Variants in GALNT17 observed in about 807,000 individuals in gnomAD.
GALNT17 encodes the protein UDP-GalNAc:polypeptide N-acetylgalactosaminyltransferase-like 3.
A neutral mutation model predicts 63.7 loss-of-function variants in GALNT17; 29 were observed. The ratio of observed to expected loss-of-function variants is 0.46; its 90% confidence interval spans 0.34 to 0.62. The LOEUF (loss-of-function observed/expected upper bound fraction) is 0.62. Among genes scored for constraint, GALNT17 ranks in the 20% least tolerant of loss-of-function variants. The probability of loss-of-function intolerance (pLI) is 0.01; values close to 1 mark genes in which losing one functional copy is unlikely to be tolerated. For missense variants in GALNT17, 603 were observed against 799.6 expected (o/e 0.75, Z 2.97); for synonymous variants, 305 against 318.3 (o/e 0.96, Z 0.45).
intron 3 of GALNT17, among the ~76,000 whole-genome samples, chr7:71,400,183 A>T (rs1023379396): frequency 1.3e-5 from 2 of 151,240 alleles, no homozygotes; most frequent in Admixed American, 1.3e-4. Flanking sequence ...CCAGTGTGTG[A>T]TGCTCCCCTC....
chr7:71,571,113 AACCC>A (rs1385909378), intron 5 of GALNT17, among the ~76,000 whole-genome samples, 168 bp from the exon 6 acceptor site: 31 of 124,268 alleles, frequency 2.5e-4, no homozygotes, highest in Non-Finnish European at 9.9e-5. Context: ...GCTAGGCTGG[AACCC>A]AGTACATGCT....
intron 1 of GALNT17, among the ~76,000 whole-genome samples, chr7:71,175,189 CGTCT>C (rs1323659425): frequency 4.6e-5 from 7 of 151,538 alleles, no homozygotes; most frequent in South Asian, 4.2e-4. Flanking sequence ...TCTATCCATC[CGTCT>C]ATCTATCCCT....
At chr7:71,580,354 A>T (rs1789614495) in intron 6 of GALNT17, among the ~76,000 whole-genome samples, 1 of 151,952 alleles carries the variant, frequency 6.6e-6, no homozygotes, top group East Asian at 1.9e-4. Context: ...ATGATAGATT[A>T]GACAGATGAT....
intron 2 of GALNT17, among the ~76,000 whole-genome samples, chr7:71,354,707 T>G (rs1792251250): frequency 6.6e-6 from 1 of 152,194 alleles, no homozygotes; most frequent in Non-Finnish European, 1.5e-5. Flanking sequence ...GAAGTTTAAT[T>G]ATTAATACAT....
At chr7:71,358,875 G>T (rs1328118949) in intron 2 of GALNT17, among the ~76,000 whole-genome samples, 1 of 152,036 alleles carries the variant, frequency 6.6e-6, no homozygotes, top group African/African-American at 2.4e-5. Flanking sequence ...CTGGGTTCAA[G>T]TGATTCTCCT....
At chr7:71,655,608 G>A (rs1250954020) in intron 6 of GALNT17, among the ~76,000 whole-genome samples, 4 of 152,198 alleles carry the variant, frequency 2.6e-5, no homozygotes, top group African/African-American at 9.6e-5. Flanking sequence ...ATAGTTTCCG[G>A]GGGAAGAATG....
intron 5 of GALNT17, among the ~76,000 whole-genome samples, chr7:71,513,511 G>A (rs1383982218): frequency 6.6e-6 from 1 of 151,818 alleles, no homozygotes; most frequent in Non-Finnish European, 1.5e-5. Context: ...TCAGCCTCCC[G>A]AGTAGCTGTG....
At chr7:71,684,433 C>A (rs925061223) in intron 9 of GALNT17, among the ~76,000 whole-genome samples, 1 of 152,196 alleles carries the variant, frequency 6.6e-6, no homozygotes, top group African/African-American at 2.4e-5. Context: ...TCTCAGGTCC[C>A]TACAGCTGAC....
rs140074408 is a variant in GALNT17, at chr7:71,565,111, A to G, written c.963-6174A>G. On this transcript the variant is annotated intron_variant, in intron 5 of 10. Coordinates refer to ENST00000333538, the MANE Select transcript of GALNT17 (RefSeq NM_022479.3). ...GTGCAACCCTGTCTCTACTAAACAT[A>G]CAAAAATTAGCCGGGCATGGTGCTG... 8.7e-3 allele frequency among the ~76,000 whole-genome samples: 1,328 copies of G among 152,180 alleles called. 24 individuals are homozygous for G. Among genetic ancestry groups the G allele is most frequent in the African/African-American group, 0.03 (1,259 of 41,540 alleles).
chr7:71,205,888 A>G (rs1789262517), intron 1 of GALNT17, among the ~76,000 whole-genome samples: 1 of 152,080 alleles, frequency 6.6e-6, no homozygotes, highest in African/African-American at 2.4e-5. Context: ...TATTTCTAAC[A>G]ATTTGCTATG....
intron 5 of GALNT17, among the ~76,000 whole-genome samples, chr7:71,421,853 G>A (rs1353274995): frequency 2.0e-5 from 3 of 151,518 alleles, no homozygotes; most frequent in Non-Finnish European, 2.9e-5. Flanking sequence ...GGGAGGCTGA[G>A]ACAGGAGAAT....
chr7:71,682,274 G>T (rs1791278803), intron 9 of GALNT17, among the ~76,000 whole-genome samples: 1 of 152,072 alleles, frequency 6.6e-6, no homozygotes, highest in Non-Finnish European at 1.5e-5. Flanking sequence ...GGGTGAACCT[G>T]AGGGCTGGGA....
chr7:71,596,884 G>A (rs1789894418), intron 6 of GALNT17, among the ~76,000 whole-genome samples: 1 of 151,968 alleles, frequency 6.6e-6, no homozygotes, highest in Non-Finnish European at 1.5e-5. Flanking sequence ...TTTGCCATCT[G>A]TGTACAACAA....
intron 1 of GALNT17, among the ~76,000 whole-genome samples, chr7:71,334,407 A>G (rs1327828761): frequency 6.6e-6 from 1 of 152,146 alleles, no homozygotes; most frequent in Non-Finnish European, 1.5e-5. Context: ...AGTGGCAGCA[A>G]TGAAACACTG....
chr7:71,199,453 CT>C (rs892523601), intron 1 of GALNT17, among the ~76,000 whole-genome samples: 1 of 152,130 alleles, frequency 6.6e-6, no homozygotes, highest in Non-Finnish European at 1.5e-5. Flanking sequence ...ATTCATCCAT[CT>C]GTTTACCCTT....
intron 1 of GALNT17, among the ~76,000 whole-genome samples, chr7:71,139,432 A>G (rs1391993783): frequency 6.6e-6 from 1 of 152,230 alleles, no homozygotes. Context: ...TTTAGATTTC[A>G]GAAGGATAGT....
chr7:71,665,689 A>G, intron 7 of GALNT17, 93 bp downstream of exon 7: 4 of 1,429,354 alleles, frequency 2.8e-6, no homozygotes, highest in Non-Finnish European at 3.8e-6. Context: ...TCCTCCCCAG[A>G]AAATGCTCAT....
intron 5 of GALNT17, among the ~76,000 whole-genome samples, chr7:71,550,981 T>G (rs1362074662): frequency 6.6e-6 from 1 of 152,156 alleles, no homozygotes; most frequent in African/African-American, 2.4e-5. Context: ...TTGTTGAGCT[T>G]TGAATATATG....
intron 1 of GALNT17, among the ~76,000 whole-genome samples, chr7:71,325,858 A>G (rs1791696212): frequency 6.6e-6 from 1 of 152,140 alleles, no homozygotes; most frequent in Non-Finnish European, 1.5e-5. Flanking sequence ...AATTTCTAAA[A>G]TTTCAAAAGT....
Sources: allele counts gnomAD v4.1 joint callset (sites outside exome capture counted in the v4.1 genomes callset), GRCh38; gene constraint gnomAD v4.1.1; transcripts MANE v1.5; gene names NCBI Gene and HGNC (gene_info 2026-07-23, HGNC 2026-07-21).